Variants in UGT1A10 observed in about 807,000 individuals in gnomAD.
The protein encoded by UGT1A10 is UDP-glucuronosyltransferase 1A10.
UGT1A10 carries 49 observed loss-of-function variants against 45.8 expected under a neutral mutation model. The ratio of observed to expected loss-of-function variants is 1.07; its 90% CI spans 0.85 to 1.36. UGT1A10 has a LOEUF of 1.36. Among genes scored for constraint, UGT1A10 ranks in the 40% most tolerant of loss-of-function variants. The probability of loss-of-function intolerance (pLI) is 0.00; values close to 1 mark genes in which losing one functional copy is unlikely to be tolerated. For synonymous variants in UGT1A10, 284 were observed against 249.7 expected (o/e 1.14, Z -1.29); for missense variants, 745 against 668.6 (o/e 1.11, Z -1.26).
intron 1 of UGT1A10, chr2:233,693,978 G>A (rs1189326021): frequency 1.9e-6 from 3 of 1,557,938 alleles, no homozygotes; most frequent in African/African-American, 1.4e-5. Context: ...GAGAAACGGT[G>A]GGGGGAAGTG....
rs1355920340 is a variant in UGT1A10 at position 233,672,426 on chromosome 2, C to A, written c.855+35049C>A. The A allele has an allele frequency of 1.9e-6, 3 of 1,614,004 alleles. No homozygotes were observed. In the South Asian group the frequency reaches 3.3e-5, roughly 18 times the overall value. On this transcript the variant is annotated intron_variant, in intron 1 of 4. Coordinates refer to ENST00000344644, the MANE Select transcript of UGT1A10 (RefSeq NM_019075.4). ...TTGTTGCCAAATATTTCTCCCTCCC[C>A]TCCGTGGTCTTCGCCAGGGGAATAC...
intron 1 of UGT1A10, chr2:233,721,729 A>C (rs1210902103): frequency 4.9e-6 from 2 of 408,012 alleles, no homozygotes; most frequent in Non-Finnish European, 9.8e-6. Flanking sequence ...TACTTGGATA[A>C]GCTTAATGAT....
At chr2:233,714,144 C>G (rs1160387494) in intron 1 of UGT1A10, among the ~76,000 whole-genome samples, 1 of 152,184 alleles carries the variant, frequency 6.6e-6, no homozygotes, top group Admixed American at 6.5e-5. Flanking sequence ...AAAGCACCAT[C>G]TTCATGGCTG....
chr2:233,770,762 T>G (rs745553589), intron 4 of UGT1A10: 1 of 152,220 alleles, frequency 6.6e-6, no homozygotes, highest in Non-Finnish European at 1.5e-5. Flanking sequence ...AATATTACAT[T>G]ATAATAATGT....
At chr2:233,765,730 T>TAATAAA (rs1427774434) in intron 1 of UGT1A10, among the ~76,000 whole-genome samples, 195 of 150,280 alleles carry the variant, frequency 1.3e-3, no homozygotes, top group Admixed American at 3.5e-3. Context: ...ATAATAATAA[T>TAATAAA]AAATAAACCC....
At chr2:233,662,520 T>G (rs1464202199) in intron 1 of UGT1A10, among the ~76,000 whole-genome samples, 1 of 152,238 alleles carries the variant, frequency 6.6e-6, no homozygotes, top group Non-Finnish European at 1.5e-5. Flanking sequence ...TACTTATTTG[T>G]TCTTGGAGGT....
intron 1 of UGT1A10, among the ~76,000 whole-genome samples, chr2:233,686,019 A>G (rs2074769050): frequency 6.6e-6 from 1 of 152,196 alleles, no homozygotes; most frequent in South Asian, 2.1e-4. Flanking sequence ...GATTTTCATC[A>G]TGGTGCCAAG....
chr2:233,648,092 T>C (rs2073647400), intron 1 of UGT1A10: 1 of 1,508,916 alleles, frequency 6.6e-7, no homozygotes, highest in South Asian at 1.4e-5. Flanking sequence ...CTGGAGGATC[T>C]GGACCAGGAG....
intron 1 of UGT1A10, among the ~76,000 whole-genome samples, chr2:233,638,931 T>G (rs1020830110): frequency 2.6e-5 from 4 of 152,210 alleles, no homozygotes; most frequent in African/African-American, 7.2e-5. Flanking sequence ...GAGGTTGGAC[T>G]TATCAAAGCA....
At chr2:233,742,318 C>T (rs4663966) in intron 1 of UGT1A10, among the ~76,000 whole-genome samples, 10,868 of 151,974 alleles carry the variant, frequency 0.072, 603 homozygotes, top group East Asian at 0.2. Flanking sequence ...GTATTCCTTA[C>T]GGGAAACAAA....
chr2:233,638,045 G>A (rs566908111), intron 1 of UGT1A10, among the ~76,000 whole-genome samples: 6 of 151,996 alleles, frequency 3.9e-5, no homozygotes, highest in East Asian at 3.9e-4. Context: ...CTTTCCTTGC[G>A]TGAATATATT....
At chr2:233,684,726 TAGAAA>T (rs2074696062) in intron 1 of UGT1A10, among the ~76,000 whole-genome samples, 1 of 151,954 alleles carries the variant, frequency 6.6e-6, no homozygotes, top group East Asian at 1.9e-4. Flanking sequence ...TATTTATAAA[TAGAAA>T]ATAAATATAA....
At chr2:233,744,002 G>C (rs1194406959) in intron 1 of UGT1A10, 1 of 1,192,502 alleles carries the variant, frequency 8.4e-7, no homozygotes, top group Admixed American at 2.7e-5. Flanking sequence ...AGTGCTCGGA[G>C]ACCTGGGCCG....
chr2:233,690,641 C>G (rs1270518819), intron 1 of UGT1A10: 1 of 1,287,710 alleles, frequency 7.8e-7, no homozygotes, highest in Admixed American at 2.3e-5. Flanking sequence ...CTGAGGACAC[C>G]TTGACTCCTA....
In UGT1A10 at chr2:233,636,636, G is replaced by C. The variant is rs1418279949; in HGVS notation, c.114G>C (p.Trp38Cys). Residue 38 changes from tryptophan (W) to cysteine (C), a missense_variant, in exon 1 of 5, where the codon TGG (tryptophan) becomes TGC (cysteine). Transcript: ENST00000344644. ...TAGTGCCCATGGATGGGAGTCACTG[G>C]TTCACCATGCAGTCGGTGGTGGAGA... ...LLVVPMDGSH[W>C]FTMQSVVEKL... 5 of 1,614,190 alleles carry C rather than the reference G, an allele frequency of 3.1e-6. No individual in the cohort carries two copies. The highest frequency in any genetic ancestry group is 4.2e-6 in the Non-Finnish European group (5 of 1,180,030).
At chr2:233,663,486 G>T (rs1282919065) in intron 1 of UGT1A10, among the ~76,000 whole-genome samples, 1 of 152,108 alleles carries the variant, frequency 6.6e-6, no homozygotes, top group Admixed American at 6.6e-5. Context: ...TCTGGGTGGT[G>T]CCAGCTGATC....
At chr2:233,765,952 G>A (rs898895578) in intron 1 of UGT1A10, among the ~76,000 whole-genome samples, 1 of 152,064 alleles carries the variant, frequency 6.6e-6, no homozygotes, top group Non-Finnish European at 1.5e-5. Context: ...TGACCTCACC[G>A]GCAGTGTCTA....
At chr2:233,714,867 TTCTA>T (rs1314617320) in intron 1 of UGT1A10, among the ~76,000 whole-genome samples, 2 of 151,200 alleles carry the variant, frequency 1.3e-5, no homozygotes, top group African/African-American at 4.9e-5. Flanking sequence ...AAAACTAAAA[TTCTA>T]TCTTTTAAAT....
intron 1 of UGT1A10, among the ~76,000 whole-genome samples, chr2:233,676,897 C>T (rs535214025): frequency 6.6e-5 from 10 of 152,076 alleles, no homozygotes; most frequent in African/African-American, 1.7e-4. Context: ...CATCTGTGCA[C>T]GTATTTCTAG....
Sources: allele counts gnomAD v4.1 joint callset (sites outside exome capture counted in the v4.1 genomes callset), GRCh38; gene constraint gnomAD v4.1.1; transcripts MANE v1.5; gene names NCBI Gene and HGNC (gene_info 2026-07-23, HGNC 2026-07-21).